Variants in ANKRD55 observed in about 807,000 individuals in gnomAD.
ANKRD55 encodes the protein ankyrin repeat domain 55.
Under a neutral mutation model 60.6 loss-of-function variants are expected in ANKRD55, and 41 were observed. The ratio of observed to expected loss-of-function variants is 0.68; its 90% confidence interval spans 0.53 to 0.88. The LOEUF is 0.88. Among genes scored for constraint, ANKRD55 ranks in the 40% least tolerant of loss-of-function variants. ANKRD55 has a pLI of 0.00. For missense variants in ANKRD55, 732 were observed against 767.6 expected, an observed-to-expected ratio of 0.95 and a Z score of 0.55; for synonymous variants, 264 against 290.3, an observed-to-expected ratio of 0.91 and a Z score of 0.92.
chr5:56,119,517 G>T (rs1756976925), intron 8 of ANKRD55, among the ~76,000 whole-genome samples: 1 of 152,102 alleles, frequency 6.6e-6, no homozygotes, highest in Non-Finnish European at 1.5e-5. Flanking sequence ...GTGGTAACAT[G>T]AATTCATGCA....
At chr5:56,123,189 A>G (rs1358767655) in intron 8 of ANKRD55, among the ~76,000 whole-genome samples, 1 of 151,992 alleles carries the variant, frequency 6.6e-6, no homozygotes, top group Non-Finnish European at 1.5e-5. Context: ...CAGGGCCTGA[A>G]CCTTGGGCAG....
At chr5:56,186,378 G>A (rs1236330430) in intron 2 of ANKRD55, among the ~76,000 whole-genome samples, 1 of 152,106 alleles carries the variant, frequency 6.6e-6, no homozygotes, top group Non-Finnish European at 1.5e-5. Context: ...ATGTTGCCCA[G>A]GCTGGTCTCT....
chr5:56,190,605 C>T (rs1759072341), intron 2 of ANKRD55, among the ~76,000 whole-genome samples: 3 of 152,160 alleles, frequency 2.0e-5, no homozygotes, highest in Admixed American at 2.0e-4. Context: ...TTTCCTGCTG[C>T]TATAACACAA....
chr5:56,164,290 C>T (rs929375507), intron 5 of ANKRD55, among the ~76,000 whole-genome samples: 1 of 152,082 alleles, frequency 6.6e-6, no homozygotes, highest in Admixed American at 6.5e-5. Context: ...ATGTTCCCAG[C>T]CCTGGAGCTG....
At chr5:56,187,658 C>T (rs749160307) in intron 2 of ANKRD55, among the ~76,000 whole-genome samples, 3 of 152,248 alleles carry the variant, frequency 2.0e-5, no homozygotes, top group Non-Finnish European at 2.9e-5. Context: ...TGCTCCCAAT[C>T]GGGCTAAAGG....
intron 7 of ANKRD55, chr5:56,127,694 A>G (rs1368217060): frequency 2.3e-6 from 1 of 425,794 alleles, no homozygotes; most frequent in Non-Finnish European, 3.1e-6. Flanking sequence ...TCGTTTACAA[A>G]AACAATTAAA....
intron 6 of ANKRD55, among the ~76,000 whole-genome samples, chr5:56,155,868 A>C (rs959276806): frequency 6.6e-6 from 1 of 151,756 alleles, no homozygotes; most frequent in African/African-American, 2.4e-5. Flanking sequence ...AAAAAAAACC[A>C]AAACCATGTA....
In ANKRD55 at chr5:56,174,014, C is replaced by A. The variant is rs565258054; in HGVS notation, c.312+2138G>T. Among the ~76,000 whole-genome samples the A allele has an allele frequency of 1.6e-4, 25 of 152,222 alleles. No homozygotes were observed. The East Asian group carries it at 2.5e-3, about 15-fold the overall frequency. On this transcript the variant is annotated intron_variant, in intron 4 of 11. Coordinates refer to ENST00000341048, the MANE Select transcript of ANKRD55 (RefSeq NM_024669.3). ...GGAGGGAGGGATAAGCTTCACAGTG[C>A]AGTCCCCAGGACAACTGCTTCCCGT...
chr5:56,126,984 A>G lies in ANKRD55; in HGVS notation c.735T>C (p.Asp245=). The change falls in exon 8 of 12, where the codon GAT becomes GAC. Residue 245 remains aspartate, a synonymous_variant. Transcript: ENST00000341048. ...GGACTCTTGCCAGCTCATGAATAATATCGCTGAAGCCCGCTGCCGCTGCGA... is the reference window on the plus strand; with the variant it reads ...GGACTCTTGCCAGCTCATGAATAATGTCGCTGAAGCCCGCTGCCGCTGCGA... The part of the protein sequence containing the change: ...VHIAAAAGFS[D]IIHELARVPE... 1.2e-6 allele frequency: 2 copies of G among 1,613,708 alleles called. No individual in the cohort carries two copies. The highest frequency in any genetic ancestry group is 1.7e-6 in the Non-Finnish European group (2 of 1,179,776).
At chr5:56,156,205 G>A (rs116453358) in intron 6 of ANKRD55, among the ~76,000 whole-genome samples, 1 of 152,200 alleles carries the variant, frequency 6.6e-6, no homozygotes, top group Non-Finnish European at 1.5e-5. Context: ...GACCAAAGAG[G>A]AAGCTGTGAC....
At chr5:56,144,559 G>A (rs1157244073) in intron 6 of ANKRD55, among the ~76,000 whole-genome samples, 1 of 142,222 alleles carries the variant, frequency 7.0e-6, no homozygotes, top group African/African-American at 2.5e-5. Context: ...GGCAGGGGCT[G>A]ATCCTGGGAG....
rs116559558 is a variant in ANKRD55, at chr5:56,124,172, G to A, written c.797+2750C>T. Among the ~76,000 whole-genome samples the A allele has an allele frequency of 4.0e-4, 61 of 152,246 alleles. 1 individual carries two copies. The highest frequency in any genetic ancestry group is 1.4e-3 in the African/African-American group (58 of 41,508). On this transcript the variant is annotated intron_variant, in intron 8 of 11. Transcript: ENST00000341048. Reference sequence around the variant, plus strand: ...AGACAAGTAAACTGCATATTAAAGCGGACTGTGACCTCATAGACTGATGAA... The same window carrying A: ...AGACAAGTAAACTGCATATTAAAGCAGACTGTGACCTCATAGACTGATGAA...
rs185443067 is a variant in ANKRD55, at chr5:56,216,230, T to C, written c.58+16626A>G. On this transcript the variant is annotated intron_variant, in intron 2 of 11. Transcript: ENST00000341048. Reference sequence around the variant, plus strand: ...CTTTGATGTTACTATTGTAATTGTTTTGGGTCCCATGGACCGCATCCACAG... The same window carrying C: ...CTTTGATGTTACTATTGTAATTGTTCTGGGTCCCATGGACCGCATCCACAG... 5.1e-4 allele frequency among the ~76,000 whole-genome samples: 77 copies of C among 152,250 alleles called. 1 individual carries two copies. Among genetic ancestry groups the C allele is most frequent in the African/African-American group, 1.6e-3 (66 of 41,514 alleles).
intron 5 of ANKRD55, among the ~76,000 whole-genome samples, chr5:56,164,459 T>C (rs745931952): frequency 3.9e-5 from 6 of 152,046 alleles, no homozygotes; most frequent in Non-Finnish European, 8.8e-5. Flanking sequence ...AAGGAAATGA[T>C]TTTCTTCCTC....
chr5:56,232,063 TTTA>T (rs1325822834), intron 2 of ANKRD55, among the ~76,000 whole-genome samples: 3 of 152,198 alleles, frequency 2.0e-5, no homozygotes, highest in African/African-American at 7.2e-5. Context: ...CTAAAAAATA[TTTA>T]TTATGTTTAT....
intron 3 of ANKRD55, among the ~76,000 whole-genome samples, chr5:56,177,209 T>C (rs1482456136): frequency 6.6e-6 from 1 of 152,152 alleles, no homozygotes; most frequent in African/African-American, 2.4e-5. Context: ...GTGCAGTCCC[T>C]AGGACACCAG....
At position 56,109,510 on chromosome 5, in the gene ANKRD55, A is replaced by C. The variant is rs796626023; in HGVS notation, c.1630+1608T>G. On this transcript the variant is annotated intron_variant, in intron 10 of 11. Transcript: ENST00000341048. Reference sequence around the variant, plus strand: ...TGTTTTGCAGCCTCTGCTTTTGAACAATGGTTCAAAGAATCACCTGTGGAT... The same window carrying C: ...TGTTTTGCAGCCTCTGCTTTTGAACCATGGTTCAAAGAATCACCTGTGGAT... 3.2e-4 allele frequency among the ~76,000 whole-genome samples: 48 copies of C among 152,042 alleles called. 1 individual carries two copies. Among genetic ancestry groups the C allele is most frequent in the African/African-American group, 1.2e-3 (48 of 41,506 alleles).
chr5:56,126,043 G>A (rs988863475), intron 8 of ANKRD55, among the ~76,000 whole-genome samples: 1 of 152,044 alleles, frequency 6.6e-6, no homozygotes, highest in Non-Finnish European at 1.5e-5. Context: ...TTGAGGCAAG[G>A]GAATCGCTTG....
At chr5:56,223,942 T>A (rs1394365721) in intron 2 of ANKRD55, among the ~76,000 whole-genome samples, 1 of 152,036 alleles carries the variant, frequency 6.6e-6, no homozygotes, top group Non-Finnish European at 1.5e-5. Context: ...ACAGAAAGTT[T>A]ACAAGGATAT....
Sources: gnomAD v4.1 joint callset for allele counts (sites outside exome capture counted in the v4.1 genomes callset) on GRCh38, gnomAD v4.1.1 for gene constraint, MANE v1.5 for transcripts, NCBI Gene and HGNC (gene_info 2026-07-23, HGNC 2026-07-21) for gene names.